PCDHGA9: variants seen among roughly 807,000 people sequenced by gnomAD.
PCDHGA9 encodes the protein protocadherin gamma-A9.
A neutral mutation model predicts 62.5 loss-of-function variants in PCDHGA9; 37 were observed. That is an observed-to-expected ratio of 0.59 (90% CI 0.46 to 0.78). PCDHGA9 has a LOEUF of 0.78. Ranked by LOEUF, PCDHGA9 falls within the 30% of genes least tolerant of loss-of-function variation. The pLI, the probability that PCDHGA9 is intolerant of heterozygous loss-of-function variation, is 0.00. For missense variants in PCDHGA9, 1,138 were observed against 1,166.2 expected (o/e 0.98, Z 0.35); for synonymous variants, 459 against 484.6 (o/e 0.95, Z 0.69).
intron 1 of PCDHGA9, among the ~76,000 whole-genome samples, chr5:141,449,586 C>T (rs2098645911): frequency 1.6e-5 from 2 of 125,482 alleles, no homozygotes; most frequent in East Asian, 2.3e-4. Context: ...AAGACTCTGT[C>T]TCAAAAAAAA....
At chr5:141,463,741 C>T (rs1011021860) in intron 1 of PCDHGA9, among the ~76,000 whole-genome samples, 3 of 152,034 alleles carry the variant, frequency 2.0e-5, no homozygotes, top group Admixed American at 1.3e-4. Context: ...CCACCGCGCC[C>T]GGCCTGCTTC....
intron 1 of PCDHGA9, among the ~76,000 whole-genome samples, chr5:141,459,724 T>C (rs1440632046): frequency 6.6e-6 from 1 of 152,250 alleles, no homozygotes; most frequent in Non-Finnish European, 1.5e-5. Context: ...TGCTTCCTAT[T>C]GTCAATTTTT....
chr5:141,449,645 A>G (rs1331667429), intron 1 of PCDHGA9, among the ~76,000 whole-genome samples: 1 of 151,128 alleles, frequency 6.6e-6, no homozygotes, highest in African/African-American at 2.4e-5. Context: ...CTATATATAC[A>G]TATTTACATA....
intron 1 of PCDHGA9, among the ~76,000 whole-genome samples, chr5:141,463,632 T>C (rs2099065676): frequency 6.6e-6 from 1 of 151,822 alleles, no homozygotes; most frequent in Admixed American, 6.6e-5. Flanking sequence ...GTATTTTGTT[T>C]AGTAGAGACG....
In PCDHGA9 at chr5:141,415,309, G is replaced by C. The variant is rs199689792; in HGVS notation, c.2424+9933G>C. 3.4e-5 allele frequency: 55 copies of C among 1,614,098 alleles called. No homozygotes were observed. Among genetic ancestry groups the C allele is most frequent in the Middle Eastern group, 1.6e-4 (1 of 6,084 alleles). On this transcript the variant is annotated intron_variant, in intron 1 of 3. Transcript: ENST00000573521. ...GGTCTCCTGCGTCTTCCTGGCCTTC[G>C]TCATCGTGCTGCTGGCGCACAGGCT...
chr5:141,491,726 C>T lies in PCDHGA9; in HGVS notation c.2425-3081C>T. On this transcript the variant is annotated intron_variant, in intron 1 of 3. Transcript: ENST00000573521. This position sits in a 1 kb window ranked among gnomAD's most constrained non-coding sequence, Gnocchi z 6.9. ...GTGAGGGGCTCGGCGCCGCCCCGGG[C>T]GACCCCTGGGGGCGGCACTGGAGAA... The T allele has an allele frequency of 6.2e-7, 1 of 1,605,884 alleles. No individual in the cohort carries two copies. Among genetic ancestry groups the T allele is most frequent in the East Asian group, 2.2e-5 (1 of 44,600 alleles).
At position 141,404,525 on chromosome 5, in the gene PCDHGA9, T is replaced by G; in HGVS notation, c.1573T>G (p.Phe525Val). ...YALCSFDYEQ[F>V]RDLQMQVTAS... ...TCTGTGCTCCTTTGACTATGAGCAG[T>G]TTAGAGATTTGCAAATGCAGGTGAC... Residue 525 changes from phenylalanine to valine, a missense_variant, in exon 1 of 4, where the codon TTT (phenylalanine) becomes GTT (valine). Phe to Val is a conservative substitution (Grantham distance 50). Transcript: ENST00000573521. 6.2e-7 allele frequency: 1 copy of G among 1,613,796 alleles called. No homozygotes were observed. Among genetic ancestry groups the G allele is most frequent in the South Asian group, 1.1e-5 (1 of 91,076 alleles).
chr5:141,464,389 A>G (rs2099082481), intron 1 of PCDHGA9, among the ~76,000 whole-genome samples: 1 of 151,766 alleles, frequency 6.6e-6, no homozygotes, highest in Non-Finnish European at 1.5e-5. Flanking sequence ...AAAAATGCTA[A>G]TGAAGAACCT....
intron 1 of PCDHGA9, chr5:141,419,370 A>G (rs1460064670): frequency 1.9e-6 from 3 of 1,613,574 alleles, no homozygotes; most frequent in African/African-American, 2.7e-5. Context: ...CTGTCGTCCT[A>G]CGTGTCCGTG....
chr5:141,488,606 C>T (rs781116401), intron 1 of PCDHGA9, among the ~76,000 whole-genome samples: 2 of 152,156 alleles, frequency 1.3e-5, no homozygotes, highest in Admixed American at 1.3e-4. Flanking sequence ...TTACAAGGTT[C>T]TTACTAATCT....
Position 141,431,344 on chromosome 5 carries a change from G to T in PCDHGA9, c.2424+25968G>T. On this transcript the variant is annotated intron_variant, in intron 1 of 3. Coordinates refer to ENST00000573521, the MANE Select transcript of PCDHGA9 (RefSeq NM_018921.3). This position sits in a 1 kb window ranked among gnomAD's most constrained non-coding sequence, Gnocchi z 4.8. ...ACGGTAGTAAGTACCCCGAATTGGT[G>T]CTGAAACGCGCCCTGGACCGCGAAG... 1 of 1,614,078 alleles carries T rather than the reference G, an allele frequency of 6.2e-7. No individual in the cohort carries two copies. The highest frequency in any genetic ancestry group is 1.3e-5 in the African/African-American group (1 of 75,068).
chr5:141,487,467 T>C lies in PCDHGA9; in HGVS notation c.2425-7340T>C. ...GATGACCCTATCAAGTTTGTTGATG[T>C]GGGAGGCCACTCTCATGGCTGTACA... On this transcript the variant is annotated intron_variant, in intron 1 of 3. Transcript: ENST00000573521. The surrounding 1 kb of genome is among the most constrained non-coding windows in gnomAD (Gnocchi z 5.0). 6.2e-7 allele frequency: 1 copy of C among 1,614,186 alleles called. No individual in the cohort carries two copies. The highest frequency in any genetic ancestry group is 8.5e-7 in the Non-Finnish European group (1 of 1,180,026).
intron 1 of PCDHGA9, chr5:141,430,711 C>T (rs2097304226): frequency 1.3e-6 from 2 of 1,483,856 alleles, no homozygotes; most frequent in African/African-American, 2.8e-5. Context: ...CTGCTCCTGA[C>T]TTCAGTGGTT....
intron 1 of PCDHGA9, chr5:141,428,054 G>A (rs763394113): frequency 6.2e-7 from 1 of 1,609,038 alleles, no homozygotes; most frequent in Admixed American, 1.7e-5. Context: ...CCAAGGTGGT[G>A]GCGGTGGACG....
chr5:141,410,295 T>C (rs1043971768), intron 1 of PCDHGA9: 2 of 1,613,982 alleles, frequency 1.2e-6, no homozygotes, highest in East Asian at 2.2e-5. Context: ...GCCTTGGCCT[T>C]AATCTCAGTG....
At chr5:141,478,832 G>A in intron 1 of PCDHGA9, 1 of 1,435,464 alleles carries the variant, frequency 7.0e-7, no homozygotes, top group South Asian at 1.5e-5. Context: ...TCTTGCTAAG[G>A]GATGGTTAAG....
In PCDHGA9 at chr5:141,476,707, G is replaced by A. The variant is rs1309848893; in HGVS notation, c.2425-18100G>A. 6.2e-7 allele frequency: 1 copy of A among 1,614,206 alleles called. No individual in the cohort carries two copies. The highest frequency in any genetic ancestry group is 1.7e-5 in the Admixed American group (1 of 60,032). On this transcript the variant is annotated intron_variant, in intron 1 of 3. Coordinates refer to ENST00000573521, the MANE Select transcript of PCDHGA9 (RefSeq NM_018921.3). This position sits in a 1 kb window ranked among gnomAD's most constrained non-coding sequence, Gnocchi z 7.6. ...ACAGCACCAAGTACGCGGAGCTGGT[G>A]TTGGAGCGCGCCCTGGACCGAGAAC...
intron 1 of PCDHGA9, among the ~76,000 whole-genome samples, chr5:141,455,201 CAATAAGAGTTTTT>C (rs1373301624): frequency 6.6e-6 from 1 of 151,722 alleles, no homozygotes; most frequent in Non-Finnish European, 1.5e-5. Flanking sequence ...AATTTACAAC[CAATAAGAGTTTTT>C]AATGCTTTGA....
chr5:141,489,253 A>T lies in PCDHGA9; in HGVS notation c.2425-5554A>T. 1 of 1,547,506 alleles carries T rather than the reference A, an allele frequency of 6.5e-7. No individual in the cohort carries two copies. The highest frequency in any genetic ancestry group is 2.3e-5 in the East Asian group (1 of 44,418). ...GGACTTCTGGGTCATGGGGCCCAAG[A>T]CACTCCCACAGCTCGCTGGGAAATG... On this transcript the variant is annotated intron_variant, in intron 1 of 3. Coordinates refer to ENST00000573521, the MANE Select transcript of PCDHGA9 (RefSeq NM_018921.3). This position sits in a 1 kb window ranked among gnomAD's most constrained non-coding sequence, Gnocchi z 4.5.
Sources: gnomAD v4.1 joint callset for allele counts (sites outside exome capture counted in the v4.1 genomes callset) on GRCh38, gnomAD v4.1.1 for gene constraint, Gnocchi (gnomAD v3.1) non-coding constraint, MANE v1.5 for transcripts, NCBI Gene and HGNC (gene_info 2026-07-23, HGNC 2026-07-21) for gene names.